Variants in RSPH14 observed in about 807,000 individuals in gnomAD.
RSPH14 encodes the protein rhabdoid tumor deletion region gene 1.
In RSPH14, 20 loss-of-function variants were observed where a neutral mutation model predicts 26.7. That is an observed-to-expected ratio of 0.75 (90% CI 0.53 to 1.09). The LOEUF (loss-of-function observed/expected upper bound fraction) is 1.09. Ranked by LOEUF, RSPH14 falls within the 50% of genes least tolerant of loss-of-function variation. The pLI, the probability that RSPH14 is intolerant of heterozygous loss-of-function variation, is 0.00. For missense variants in RSPH14, 449 were observed against 457.2 expected (o/e 0.98, Z 0.16); for synonymous variants, 177 against 189.3 (o/e 0.93, Z 0.53).
intron 4 of RSPH14, among the ~76,000 whole-genome samples, chr22:23,117,354 C>T (rs763089157): frequency 6.6e-6 from 1 of 152,234 alleles, no homozygotes; most frequent in African/African-American, 2.4e-5. Context: ...ATTGCATCTC[C>T]AGGCTAAGGG....
At chr22:23,059,842 GC>G (rs925475980) in intron 6 of RSPH14, 124 bp from the exon 7 acceptor site, 5 of 1,086,146 alleles carry the variant, frequency 4.6e-6, no homozygotes, top group Non-Finnish European at 6.1e-6. Context: ...CCTGGTTTAT[GC>G]CCCACCAACA....
chr22:23,065,384 C>T (rs1207480652), intron 4 of RSPH14, among the ~76,000 whole-genome samples: 3 of 152,050 alleles, frequency 2.0e-5, no homozygotes, highest in Non-Finnish European at 4.4e-5. Context: ...TGTCAGGTGG[C>T]TTCCAGTGCC....
At chr22:23,162,988 T>C in the RSPH14 span, 3 of 316,728 alleles carry the variant, frequency 9.5e-6, no homozygotes, top group African/African-American at 6.6e-5. Flanking sequence ...CTCGGCTCAG[T>C]GCAACCTCTG....
intron 4 of RSPH14, among the ~76,000 whole-genome samples, chr22:23,097,751 T>C (rs1042439453): frequency 6.6e-6 from 1 of 152,228 alleles, no homozygotes; most frequent in Non-Finnish European, 1.5e-5. Flanking sequence ...TGATGAGGCA[T>C]GGCCGTGGGC....
chr22:23,152,363 G>A, the RSPH14 span: 1 of 1,259,626 alleles, frequency 7.9e-7, no homozygotes, highest in East Asian at 2.3e-5. Context: ...AGTGAGGGGT[G>A]TCTCACCAGC....
chr22:23,059,716 T>G lies in RSPH14; in HGVS notation c.793A>C (p.Lys265Gln). 6.6e-7 allele frequency: 1 copy of G among 1,519,284 alleles called. No homozygotes were observed. The highest frequency in any genetic ancestry group is 1.3e-5 in the South Asian group (1 of 77,242). 94.1% of individuals were successfully genotyped at this position (1,519,284 alleles called of 1,614,324 possible). The change falls in exon 7 of 7, where the codon AAG becomes CAG. Residue 265 changes from lysine (K) to glutamine (Q), a missense_variant and splice_region_variant. Transcript: ENST00000216036. ...GCTTGTGCCTCCAGGGCCGCATACTTCCCTGCAGGCCACCAACACAAGGCG... is the reference window on the plus strand; with the variant it reads ...GCTTGTGCCTCCAGGGCCGCATACTGCCCTGCAGGCCACCAACACAAGGCG... ...LMFATVITEG[K>Q]YAALEAQAIG...
chr22:23,081,167 G>A (rs1268004920), intron 4 of RSPH14, among the ~76,000 whole-genome samples: 3 of 152,254 alleles, frequency 2.0e-5, no homozygotes, highest in Non-Finnish European at 2.9e-5. Context: ...CCAACCACGA[G>A]TTTGGGGACA....
At chr22:23,161,986 G>C in the RSPH14 span, 2 of 177,902 alleles carry the variant, frequency 1.1e-5, no homozygotes, top group African/African-American at 4.8e-5. Flanking sequence ...GTGTCCCCAG[G>C]ATCCGTCACA....
upstream of RSPH14, chr22:23,145,437 G>A (rs1262744997): frequency 3.1e-6 from 5 of 1,610,676 alleles, no homozygotes; most frequent in Non-Finnish European, 4.2e-6. Flanking sequence ...CGCCCACGAC[G>A]TCGACGATTC....
chr22:23,145,214 G>T, upstream of RSPH14: 1 of 741,272 alleles, frequency 1.3e-6, no homozygotes, highest in South Asian at 1.7e-5. Flanking sequence ...CCCACCCAGG[G>T]CTCAGGCTCC....
chr22:23,132,637 A>ACCC (rs79542023), intron 4 of RSPH14: 72,734 of 151,754 alleles, frequency 0.48, 18,183 homozygotes, highest in Middle Eastern at 0.58. Flanking sequence ...GACAGAAAAA[A>ACCC]ATCTATGATT....
chr22:23,070,099 C>T lies in RSPH14; in HGVS notation c.422-5966G>A, dbSNP rs188446441. Among the ~76,000 whole-genome samples the T allele has an allele frequency of 1.8e-3, 267 of 152,240 alleles. 3 individuals carry two copies. Among genetic ancestry groups the T allele is most frequent in the African/African-American group, 6.2e-3 (256 of 41,566 alleles). On this transcript the variant is annotated intron_variant, in intron 4 of 6. Coordinates refer to ENST00000216036, the MANE Select transcript of RSPH14 (RefSeq NM_014433.3). The stretch of plus-strand genomic sequence containing the variant: ...CGGTGGAACGCCGGCGCGGGGAGCT[C>T]TTGCGGGACTGCGGCGCGCGCGGAG...
intron 4 of RSPH14, among the ~76,000 whole-genome samples, chr22:23,119,796 C>T (rs2069959536): frequency 6.6e-6 from 1 of 152,236 alleles, no homozygotes; most frequent in Non-Finnish European, 1.5e-5. Context: ...GCTTTCCTGA[C>T]TCCTGCCAGA....
intron 5 of RSPH14, among the ~76,000 whole-genome samples, 156 bp downstream of exon 5, chr22:23,063,746 G>C (rs562675519): frequency 2.0e-5 from 3 of 152,038 alleles, no homozygotes; most frequent in Non-Finnish European, 4.4e-5. Flanking sequence ...TCACCCTAGG[G>C]GAGAAGGTCA....
chr22:23,069,082 A>C (rs780404462), intron 4 of RSPH14, among the ~76,000 whole-genome samples: 6 of 152,206 alleles, frequency 3.9e-5, no homozygotes, highest in Non-Finnish European at 5.9e-5. Context: ...AATGGTCTCC[A>C]TCTCACAGAA....
At chr22:23,168,277 A>G in the RSPH14 span, among the ~76,000 whole-genome samples, 1 of 152,170 alleles carries the variant, frequency 6.6e-6, no homozygotes, top group African/African-American at 2.4e-5. Flanking sequence ...CCAGCTCTTG[A>G]AGTCCTGGGC....
intron 3 of RSPH14, 108 bp from the exon 4 acceptor site, chr22:23,134,252 G>T: frequency 1.3e-6 from 1 of 765,606 alleles, no homozygotes; most frequent in Non-Finnish European, 2.2e-6. Context: ...ATCTGGGGTA[G>T]ACCACATTCC....
intron 4 of RSPH14, among the ~76,000 whole-genome samples, chr22:23,068,834 G>A (rs1371256436): frequency 6.6e-6 from 1 of 152,158 alleles, no homozygotes; most frequent in Non-Finnish European, 1.5e-5. Context: ...CACAGCTGCC[G>A]GTCTCTGTGT....
intron 1 of RSPH14, 146 bp from the exon 2 acceptor site, chr22:23,140,618 G>A (rs1601869072): frequency 2.0e-6 from 2 of 1,023,412 alleles, no homozygotes; most frequent in East Asian, 5.5e-5. Context: ...GCAATGAAGA[G>A]ATTTGCTCAA....
Sources: allele counts gnomAD v4.1 joint callset (sites outside exome capture counted in the v4.1 genomes callset), GRCh38; gene constraint gnomAD v4.1.1; transcripts MANE v1.5; gene names NCBI Gene and HGNC (gene_info 2026-07-23, HGNC 2026-07-21).